The following EMCN variants were observed in gnomAD, a reference collection of about 807,000 sequenced individuals.
The protein encoded by EMCN is MUC-14.
EMCN carries 37 observed loss-of-function variants against 38.4 expected under a neutral mutation model. The observed-to-expected ratio is 0.96, with a 90% confidence interval of 0.74 to 1.27. The LOEUF (loss-of-function observed/expected upper bound fraction) is 1.27, where lower values mean the gene tolerates loss of function less well. Among genes scored for constraint, EMCN ranks in the 50% most tolerant of loss-of-function variants. The pLI, the probability that EMCN is intolerant of heterozygous loss-of-function variation, is 0.00. For missense variants in EMCN, 318 were observed against 302.8 expected (o/e 1.05, Z -0.37); for synonymous variants, 95 against 100.8 (o/e 0.94, Z 0.35).
chr4:100,484,577 A>G (rs1035618158), intron 1 of EMCN, among the ~76,000 whole-genome samples: 2 of 152,006 alleles, frequency 1.3e-5, no homozygotes, highest in African/African-American at 2.4e-5. Flanking sequence ...CATTCTTATA[A>G]TGAGTAGTGC....
At chr4:100,420,048 AT>A (rs1012845607) in intron 8 of EMCN, among the ~76,000 whole-genome samples, 5 of 152,078 alleles carry the variant, frequency 3.3e-5, no homozygotes, top group African/African-American at 9.7e-5. Context: ...TGAGACTTAG[AT>A]TTTTTTGTGA....
intron 1 of EMCN, among the ~76,000 whole-genome samples, chr4:100,491,924 T>C (rs1729092114): frequency 6.6e-6 from 1 of 152,170 alleles, no homozygotes; most frequent in Non-Finnish European, 1.5e-5. Flanking sequence ...AAAGAACACC[T>C]GTGAAATTTA....
chr4:100,512,796 A>T lies in EMCN; in HGVS notation c.64+5055T>A, dbSNP rs548821516. On this transcript the variant is annotated intron_variant, in intron 1 of 11. Transcript: ENST00000296420. ...ACTCCAGCCTGGGCAACAAGAGCAAAACTCCATCTCAAAAAAAAAAAAAAA... is the reference window on the plus strand; with the variant it reads ...ACTCCAGCCTGGGCAACAAGAGCAATACTCCATCTCAAAAAAAAAAAAAAA... Among the ~76,000 whole-genome samples the T allele has an allele frequency of 6.6e-5, 10 of 150,754 alleles. No homozygotes were observed. In the South Asian group the frequency reaches 2.1e-3, roughly 32 times the overall value.
At chr4:100,473,836 G>T in intron 3 of EMCN, 1 of 146,886 alleles carries the variant, frequency 6.8e-6, no homozygotes, top group South Asian at 1.9e-4. Context: ...TCCTCGTTTT[G>T]AAGTGTCATC....
chr4:100,478,057 T>A (rs1728707676), intron 2 of EMCN, among the ~76,000 whole-genome samples: 1 of 152,202 alleles, frequency 6.6e-6, no homozygotes, highest in Non-Finnish European at 1.5e-5. Context: ...ACAGTGGTGA[T>A]CAAGTAAGCC....
chr4:100,440,723 TA>T (rs981698278), intron 5 of EMCN, among the ~76,000 whole-genome samples: 1 of 152,116 alleles, frequency 6.6e-6, no homozygotes, highest in African/African-American at 2.4e-5. Flanking sequence ...CATGTTACTA[TA>T]AACATACATG....
At chr4:100,486,890 A>T (rs1409000070) in intron 1 of EMCN, 2 of 985,358 alleles carry the variant, frequency 2.0e-6, no homozygotes, top group Non-Finnish European at 2.4e-6. Flanking sequence ...GTACGGGGCC[A>T]TGCAGTTATT....
At chr4:100,410,261 G>T in intron 11 of EMCN, 21 bp downstream of exon 11, 1 of 1,459,004 alleles carries the variant, frequency 6.9e-7, no homozygotes, top group South Asian at 1.1e-5. Context: ...TTGTCTCCGT[G>T]AATGAAATTG....
chr4:100,411,526 A>G (rs1214054837), intron 10 of EMCN, among the ~76,000 whole-genome samples: 1 of 152,158 alleles, frequency 6.6e-6, no homozygotes, highest in Non-Finnish European at 1.5e-5. Context: ...TAACAATATG[A>G]TATCAGTAAC....
chr4:100,476,406 C>T (rs911807335), intron 2 of EMCN, among the ~76,000 whole-genome samples: 8 of 152,068 alleles, frequency 5.3e-5, no homozygotes, highest in Admixed American at 1.3e-4. Flanking sequence ...ATTTCAACCA[C>T]CCAAAGTGCT....
chr4:100,493,122 C>T (rs1040237127), intron 1 of EMCN, among the ~76,000 whole-genome samples: 2 of 152,112 alleles, frequency 1.3e-5, no homozygotes, highest in Admixed American at 1.3e-4. Flanking sequence ...CTAATACTGT[C>T]GCTATACAGT....
intron 1 of EMCN, among the ~76,000 whole-genome samples, chr4:100,517,312 A>C (rs538922362): frequency 6.6e-6 from 1 of 152,190 alleles, no homozygotes; most frequent in South Asian, 2.1e-4. Flanking sequence ...AAATCTATAG[A>C]CTGTAATCAA....
At position 100,423,363 on chromosome 4, in the gene EMCN, T is replaced by C. The variant is rs752018268; in HGVS notation, c.457A>G (p.Thr153Ala). ...ATTGTAACTGGTATTGAGGTTAATG[T>C]ACCAGTTTTAGAAGGTGATGCATCT... ...QPDASPSKTG[T>A]LTSIPVTIPE... The change falls in exon 6 of 12, where the codon ACA becomes GCA. Residue 153 changes from threonine (T) to alanine (A), a missense_variant. Coordinates refer to ENST00000296420, the MANE Select transcript of EMCN (RefSeq NM_016242.4). 1.2e-6 allele frequency: 2 copies of C among 1,613,112 alleles called. No homozygotes were observed. The highest frequency in any genetic ancestry group is 2.2e-5 in the South Asian group (2 of 91,048).
chr4:100,423,859 T>A (rs1726969791), intron 5 of EMCN, among the ~76,000 whole-genome samples: 1 of 152,056 alleles, frequency 6.6e-6, no homozygotes. Flanking sequence ...GAGAAAAAAA[T>A]TGCAGTTGAG....
chr4:100,496,801 T>C (rs527521727), intron 1 of EMCN, among the ~76,000 whole-genome samples: 20 of 152,304 alleles, frequency 1.3e-4, no homozygotes, highest in African/African-American at 4.8e-4. Context: ...TTTAATTCTA[T>C]GGGCATTTAT....
chr4:100,464,698 G>T (rs1331407461), intron 4 of EMCN, among the ~76,000 whole-genome samples: 1 of 151,912 alleles, frequency 6.6e-6, no homozygotes, highest in Non-Finnish European at 1.5e-5. Context: ...AACTAATCTT[G>T]CATTTCTGGG....
chr4:100,460,910 G>C (rs1728161150), intron 4 of EMCN, among the ~76,000 whole-genome samples: 1 of 152,128 alleles, frequency 6.6e-6, no homozygotes, highest in African/African-American at 2.4e-5. Context: ...TTTTCTTCTA[G>C]TAGGTTTACA....
intron 1 of EMCN, 53 bp from the exon 2 acceptor site, chr4:100,480,092 T>C (rs1253631538): frequency 2.0e-6 from 3 of 1,501,142 alleles, no homozygotes; most frequent in Admixed American, 2.0e-5. Context: ...TGCCAATTAA[T>C]AGACTAGTAT....
At chr4:100,480,191 A>G (rs1450794945) in intron 1 of EMCN, 152 bp from the exon 2 acceptor site, 5 of 614,252 alleles carry the variant, frequency 8.1e-6, no homozygotes, top group Non-Finnish European at 1.1e-5. Context: ...GCATTTATTC[A>G]TTAACTGCAT....
Sources: allele counts gnomAD v4.1 joint callset (sites outside exome capture counted in the v4.1 genomes callset), GRCh38; gene constraint gnomAD v4.1.1; transcripts MANE v1.5; gene names NCBI Gene and HGNC (gene_info 2026-07-23, HGNC 2026-07-21).